OTOGL: variants seen among roughly 807,000 people sequenced by gnomAD.
OTOGL encodes otogelin-like protein.
Under a neutral mutation model 318.5 loss-of-function variants are expected in OTOGL, and 285 were observed. The observed-to-expected ratio is 0.89, with a 90% CI of 0.81 to 0.99. The LOEUF (loss-of-function observed/expected upper bound fraction) is 0.99, where lower values mean the gene tolerates loss of function less well. Ranked by LOEUF, OTOGL falls within the 50% of genes least tolerant of loss-of-function variation. The pLI is 0.00. For missense variants in OTOGL, 2,899 were observed against 2,845.6 expected (o/e 1.02, Z -0.43); for synonymous variants, 987 against 936.5 (o/e 1.05, Z -0.99).
chr12:80,314,442 C>T (rs1306237265), intron 32 of OTOGL, 111 bp downstream of exon 32: 2 of 334,338 alleles, frequency 6.0e-6, no homozygotes, highest in East Asian at 1.0e-4. Context: ...TAGTTCATAA[C>T]TATATAACTC....
chr12:80,151,232 T>C (rs530271668), intron 1 of OTOGL, among the ~76,000 whole-genome samples: 1 of 152,196 alleles, frequency 6.6e-6, no homozygotes, highest in South Asian at 2.1e-4. Flanking sequence ...AAAGGAATAA[T>C]AAGATTTAGG....
chr12:80,129,030 G>A (rs968682114), intron 1 of OTOGL, among the ~76,000 whole-genome samples: 1 of 152,162 alleles, frequency 6.6e-6, no homozygotes, highest in African/African-American at 2.4e-5. Flanking sequence ...CACGCTCGGT[G>A]CACTGCACCC....
intron 24 of OTOGL, among the ~76,000 whole-genome samples, chr12:80,272,694 C>T (rs1883507502): frequency 4.6e-5 from 7 of 151,994 alleles, no homozygotes; most frequent in African/African-American, 9.7e-5. Context: ...CAAAGAAGAG[C>T]GAGGTCTTGT....
intron 1 of OTOGL, among the ~76,000 whole-genome samples, chr12:80,106,130 C>G (rs1402026065): frequency 6.6e-6 from 1 of 152,138 alleles, no homozygotes; most frequent in Non-Finnish European, 1.5e-5. Context: ...GCCATTGTGC[C>G]CCATTTGGAT....
chr12:80,279,646 T>G (rs554959918), intron 26 of OTOGL, among the ~76,000 whole-genome samples: 1 of 151,918 alleles, frequency 6.6e-6, no homozygotes, highest in African/African-American at 2.4e-5. Flanking sequence ...CCATGTAATA[T>G]TCCATGGTGT....
intron 46 of OTOGL, 40 bp from the exon 47 acceptor site, chr12:80,355,696 C>A (rs766798319): frequency 1.7e-5 from 26 of 1,516,700 alleles, no homozygotes; most frequent in Non-Finnish European, 2.3e-5. Context: ...TATTTTAGTG[C>A]CCAGGTTTTG....
At chr12:80,205,706 A>G (rs967570740) in intron 1 of OTOGL, among the ~76,000 whole-genome samples, 2 of 152,252 alleles carry the variant, frequency 1.3e-5, no homozygotes, top group African/African-American at 2.4e-5. Flanking sequence ...AGGTTTAGTA[A>G]CACAAGTAAA....
chr12:80,302,253 G>T (rs1054526540), intron 27 of OTOGL, among the ~76,000 whole-genome samples: 2 of 152,120 alleles, frequency 1.3e-5, no homozygotes, highest in Admixed American at 1.3e-4. Flanking sequence ...TCTCTTTTGC[G>T]GGCAAGGCCA....
chr12:80,258,028 C>A (rs968204042), intron 18 of OTOGL, 26 bp downstream of exon 18: 1 of 1,534,532 alleles, frequency 6.5e-7, no homozygotes. Flanking sequence ...GCATAGTTAA[C>A]ATACTTAATG....
chr12:80,342,271 C>T, intron 44 of OTOGL, 109 bp downstream of exon 44: 1 of 798,068 alleles, frequency 1.3e-6, no homozygotes, highest in Non-Finnish European at 1.9e-6. Flanking sequence ...AACAAAACCC[C>T]CAACCTTCTG....
At chr12:80,361,813 T>A (rs1890254307) in intron 52 of OTOGL, among the ~76,000 whole-genome samples, 1 of 152,196 alleles carries the variant, frequency 6.6e-6, no homozygotes, top group Non-Finnish European at 1.5e-5. Context: ...TTGCCCATTT[T>A]AAAAATCAGC....
rs750299428 is a variant in OTOGL, at chr12:80,320,409, C to G, written c.3803-13C>G. The G allele has an allele frequency of 6.2e-7, 1 of 1,602,626 alleles. No individual in the cohort carries two copies. The highest frequency in any genetic ancestry group is 1.1e-5 in the South Asian group (1 of 89,546). On this transcript the variant is annotated splice_polypyrimidine_tract_variant and intron_variant, in intron 33 of 58. Coordinates refer to ENST00000547103, the MANE Select transcript of OTOGL (RefSeq NM_001378609.3). ...CCTTCTCCTGAGAATCCACACTGCT[C>G]TATATTTTACAGCATTAGCACTTGT...
chr12:80,370,476 T>G (rs1311396302), intron 55 of OTOGL, 94 bp from the exon 56 acceptor site: 2 of 1,132,754 alleles, frequency 1.8e-6, no homozygotes, highest in Non-Finnish European at 2.4e-6. Flanking sequence ...CCTTTGCATC[T>G]TGATTTGACT....
intron 1 of OTOGL, among the ~76,000 whole-genome samples, chr12:80,207,410 G>A (rs943627532): frequency 1.3e-5 from 2 of 151,938 alleles, no homozygotes; most frequent in African/African-American, 4.8e-5. Flanking sequence ...TTTCCATGTT[G>A]GTCAGGCTGG....
intron 24 of OTOGL, 71 bp from the exon 25 acceptor site, chr12:80,278,097 T>C: frequency 1.7e-6 from 2 of 1,200,362 alleles, no homozygotes; most frequent in South Asian, 1.3e-5. Context: ...GTTAATATGC[T>C]AAGATTACTG....
At chr12:80,157,529 A>G (rs980168175) in intron 1 of OTOGL, among the ~76,000 whole-genome samples, 11 of 152,096 alleles carry the variant, frequency 7.2e-5, no homozygotes, top group African/African-American at 1.9e-4. Flanking sequence ...AGTTTTCCAA[A>G]TGTTTTCTTG....
intron 29 of OTOGL, among the ~76,000 whole-genome samples, chr12:80,308,466 G>C (rs904506446): frequency 2.0e-5 from 3 of 151,330 alleles, no homozygotes; most frequent in African/African-American, 7.3e-5. Flanking sequence ...GGGAAGAGAC[G>C]CTCCTCACTT....
chr12:80,156,212 C>T (rs1277983082), intron 1 of OTOGL, among the ~76,000 whole-genome samples: 3 of 152,192 alleles, frequency 2.0e-5, no homozygotes, highest in African/African-American at 4.8e-5. Context: ...GGCAGAAGAA[C>T]GTGAAATGAC....
In OTOGL at chr12:80,302,904, A is replaced by T. The variant is rs1030295675; in HGVS notation, c.3213+121A>T. ...AGAACTAGGTTATATTTCCAGAATT[A>T]CTAACTCATACCCTTGTGAAAAAGA... On this transcript the variant is annotated intron_variant, in intron 28 of 58. Transcript: ENST00000547103. The T allele has an allele frequency of 3.3e-6, 3 of 919,862 alleles. No homozygotes were observed. The African/African-American group carries it at 5.2e-5, about 16-fold the overall frequency. 57.0% of individuals were successfully genotyped at this position (919,862 alleles called of 1,614,324 possible). A position where few individuals can be genotyped will look rare whatever the true frequency, so the allele number is the denominator to read the frequency against.
Sources: gnomAD v4.1 joint callset for allele counts (sites outside exome capture counted in the v4.1 genomes callset) on GRCh38, gnomAD v4.1.1 for gene constraint, MANE v1.5 for transcripts, NCBI Gene and HGNC (gene_info 2026-07-23, HGNC 2026-07-21) for gene names.